Variants in CRACR2A observed in about 807,000 individuals in gnomAD.
The protein encoded by CRACR2A is EF-hand calcium-binding domain-containing protein 4B.
CRACR2A carries 79 observed loss-of-function variants against 90.5 expected under a neutral mutation model. That is an observed-to-expected ratio of 0.87 (90% confidence interval 0.73 to 1.05). The LOEUF is 1.05. Among genes scored for constraint, CRACR2A ranks in the 50% least tolerant of loss-of-function variants. The pLI, the probability that CRACR2A is intolerant of heterozygous loss-of-function variation, is 0.00. For missense variants in CRACR2A, 823 were observed against 897.2 expected (o/e 0.92, Z 1.06); for synonymous variants, 338 against 356.7 (o/e 0.95, Z 0.59).
At chr12:3,652,463 CT>C (rs34618666) in intron 10 of CRACR2A, among the ~76,000 whole-genome samples, 4 of 150,930 alleles carry the variant, frequency 2.7e-5, no homozygotes, top group Non-Finnish European at 5.9e-5. Flanking sequence ...TTTGTTTTTG[CT>C]TTTTTTTTAA....
At chr12:3,720,415 GGAAGAAAGAAAGAAAGAAAGA>G (rs1946147003) in intron 2 of CRACR2A, among the ~76,000 whole-genome samples, 1 of 133,784 alleles carries the variant, frequency 7.5e-6, no homozygotes, top group South Asian at 2.7e-4. Flanking sequence ...GTGAGAGAGA[GGAAGAAAGAAAGAAAGAAAGA>G]AAGAAAGAAA....
At chr12:3,735,693 G>T (rs1408645169) in intron 1 of CRACR2A, among the ~76,000 whole-genome samples, 4 of 152,196 alleles carry the variant, frequency 2.6e-5, no homozygotes, top group Non-Finnish European at 5.9e-5. Flanking sequence ...AGGCCGTGGA[G>T]CTCCGAGGCT....
chr12:3,743,668 A>C (rs1479161920), intron 1 of CRACR2A, among the ~76,000 whole-genome samples: 2 of 152,222 alleles, frequency 1.3e-5, no homozygotes, highest in African/African-American at 4.8e-5. Context: ...CCTATATCAG[A>C]AAATGCCTGG....
intron 5 of CRACR2A, among the ~76,000 whole-genome samples, chr12:3,679,359 G>A (rs1489748608): frequency 6.6e-6 from 1 of 152,126 alleles, no homozygotes; most frequent in Non-Finnish European, 1.5e-5. Context: ...CTCCTTTGTG[G>A]TTCTCAGTCC....
At chr12:3,632,241 C>A (rs1169697126) in intron 15 of CRACR2A, among the ~76,000 whole-genome samples, 1 of 152,186 alleles carries the variant, frequency 6.6e-6, no homozygotes. Flanking sequence ...CCCAAGGCCT[C>A]CCCAGCCATG....
At chr12:3,675,179 T>C (rs182817269) in intron 6 of CRACR2A, among the ~76,000 whole-genome samples, 4 of 152,286 alleles carry the variant, frequency 2.6e-5, no homozygotes, top group Non-Finnish European at 5.9e-5. Flanking sequence ...AAGAATAAAA[T>C]TATCTGTGCT....
At chr12:3,685,577 T>C (rs1446122800) in intron 4 of CRACR2A, among the ~76,000 whole-genome samples, 1 of 152,230 alleles carries the variant, frequency 6.6e-6, no homozygotes, top group African/African-American at 2.4e-5. Flanking sequence ...TGACACATGC[T>C]ACGATACAGA....
chr12:3,739,281 A>C (rs763137798), intron 1 of CRACR2A, among the ~76,000 whole-genome samples: 4 of 152,226 alleles, frequency 2.6e-5, no homozygotes, highest in Non-Finnish European at 5.9e-5. Flanking sequence ...ACTTCAATCA[A>C]ATTACTTAAT....
intron 7 of CRACR2A, among the ~76,000 whole-genome samples, chr12:3,667,323 AG>A (rs1418825826): frequency 3.9e-5 from 6 of 152,222 alleles, no homozygotes; most frequent in African/African-American, 1.4e-4. Flanking sequence ...GTTGTAAAAT[AG>A]ATAACTCCAT....
chr12:3,695,584 C>T (rs563488394), intron 4 of CRACR2A, among the ~76,000 whole-genome samples: 7 of 152,320 alleles, frequency 4.6e-5, no homozygotes, highest in Non-Finnish European at 7.4e-5. Context: ...CTCCACACCT[C>T]GGAGCTCACA....
chr12:3,674,072 T>G (rs73047300), intron 6 of CRACR2A, among the ~76,000 whole-genome samples: 22,491 of 152,198 alleles, frequency 0.15, 1,841 homozygotes, highest in South Asian at 0.26. Context: ...CCCAGTGCGT[T>G]TAAGGACACA....
chr12:3,645,931 C>G (rs1039553601), intron 11 of CRACR2A, among the ~76,000 whole-genome samples: 2 of 152,154 alleles, frequency 1.3e-5, no homozygotes, highest in African/African-American at 4.8e-5. Flanking sequence ...AAATGCTGGA[C>G]TAGTCCTTGA....
At chr12:3,679,185 G>A (rs1456471897) in intron 5 of CRACR2A, 87 bp from the exon 6 acceptor site, 4 of 1,310,834 alleles carry the variant, frequency 3.1e-6, no homozygotes, top group Non-Finnish European at 4.1e-6. Flanking sequence ...AATCATTGAA[G>A]GTTCATCTGA....
At chr12:3,632,104 T>C (rs971549208) in intron 15 of CRACR2A, among the ~76,000 whole-genome samples, 1 of 152,300 alleles carries the variant, frequency 6.6e-6, no homozygotes, top group East Asian at 1.9e-4. Flanking sequence ...GCTGTCCTCA[T>C]GAAGGAGTTC....
intron 17 of CRACR2A, among the ~76,000 whole-genome samples, chr12:3,619,778 T>C (rs542054991): frequency 6.6e-6 from 1 of 152,340 alleles, no homozygotes; most frequent in South Asian, 2.1e-4. Flanking sequence ...CTTAGTCCGA[T>C]GGACCAAGGC....
chr12:3,752,337 GACACACACACACACACACGGAC>G (rs761259597), intron 1 of CRACR2A, among the ~76,000 whole-genome samples: 4 of 68,734 alleles, frequency 5.8e-5, no homozygotes, highest in African/African-American at 1.2e-4. Flanking sequence ...CACACACACG[GACACACACACACACACACGGAC>G]ACACACACAC....
chr12:3,643,876 A>ATT (rs368830707), intron 12 of CRACR2A, among the ~76,000 whole-genome samples: 2 of 52,570 alleles, frequency 3.8e-5, no homozygotes, highest in Non-Finnish European at 6.7e-5. Context: ...TATATTATAT[A>ATT]TATTTATATT....
chr12:3,720,297 AAG>A (rs1946140614), intron 2 of CRACR2A, among the ~76,000 whole-genome samples: 1 of 146,596 alleles, frequency 6.8e-6, no homozygotes, highest in South Asian at 2.2e-4. Context: ...AAGAAAGAAA[AAG>A]AAAGAAAGAA....
chr12:3,736,852 T>A (rs1177138522), intron 1 of CRACR2A, among the ~76,000 whole-genome samples: 9 of 152,124 alleles, frequency 5.9e-5, no homozygotes, highest in Non-Finnish European at 1.3e-4. Context: ...CCTGGACTTA[T>A]CAATGAGGAG....
Sources: allele counts gnomAD v4.1 joint callset (sites outside exome capture counted in the v4.1 genomes callset), GRCh38; gene constraint gnomAD v4.1.1; transcripts MANE v1.5; gene names NCBI Gene and HGNC (gene_info 2026-07-23, HGNC 2026-07-21).